Variants in CTNNA3 observed in about 807,000 individuals in gnomAD.
CTNNA3 encodes the protein catenin alpha-3.
Under a neutral mutation model 95.7 loss-of-function variants are expected in CTNNA3, and 76 were observed. The ratio of observed to expected loss-of-function variants is 0.79; its 90% CI spans 0.66 to 0.96. CTNNA3 has a LOEUF of 0.96. Among genes scored for constraint, CTNNA3 ranks in the 40% least tolerant of loss-of-function variants. The pLI is 0.00. For missense variants in CTNNA3, 1,191 were observed against 1,089.8 expected (o/e 1.09, Z -1.31); for synonymous variants, 431 against 374.4 (o/e 1.15, Z -1.74).
chr10:67,078,512 C>CTTT (rs11396357), intron 7 of CTNNA3, among the ~76,000 whole-genome samples: 1 of 151,244 alleles, frequency 6.6e-6, no homozygotes, highest in African/African-American at 2.4e-5. Context: ...TTTCTGATAC[C>CTTT]TTTTTTATTA....
chr10:66,739,270 T>C (rs2132691199), intron 9 of CTNNA3, among the ~76,000 whole-genome samples: 1 of 152,256 alleles, frequency 6.6e-6, no homozygotes, highest in East Asian at 1.9e-4. Flanking sequence ...AACAGATTGC[T>C]GTCACACTCC....
At chr10:66,893,187 A>G (rs1178709739) in intron 7 of CTNNA3, among the ~76,000 whole-genome samples, 1 of 152,108 alleles carries the variant, frequency 6.6e-6, no homozygotes, top group African/African-American at 2.4e-5. Flanking sequence ...TGTTGCAGAA[A>G]AGCATTACAA....
chr10:66,410,391 AC>A (rs1184627911), intron 11 of CTNNA3, among the ~76,000 whole-genome samples: 1 of 152,066 alleles, frequency 6.6e-6, no homozygotes, highest in Non-Finnish European at 1.5e-5. Context: ...TTCTAGAAAA[AC>A]CAAAGGGGCA....
At chr10:67,192,192 A>G (rs1306536238) in intron 6 of CTNNA3, among the ~76,000 whole-genome samples, 1 of 151,984 alleles carries the variant, frequency 6.6e-6, no homozygotes, top group Non-Finnish European at 1.5e-5. Context: ...TTTTTAGATG[A>G]CACCAAAAGC....
At chr10:67,443,204 A>T (rs1312417046) in intron 5 of CTNNA3, among the ~76,000 whole-genome samples, 1 of 151,068 alleles carries the variant, frequency 6.6e-6, no homozygotes, top group Non-Finnish European at 1.5e-5. Context: ...GTTGTTGGAC[A>T]TTTGGGTTGG....
intron 7 of CTNNA3, among the ~76,000 whole-genome samples, chr10:67,106,329 A>G (rs1858634030): frequency 6.6e-6 from 1 of 152,224 alleles, no homozygotes; most frequent in South Asian, 2.1e-4. Flanking sequence ...GAGAATATAA[A>G]TACTATTGTC....
At chr10:66,555,271 A>G (rs768405139) in intron 10 of CTNNA3, among the ~76,000 whole-genome samples, 7 of 152,082 alleles carry the variant, frequency 4.6e-5, no homozygotes, top group Non-Finnish European at 1.0e-4. Flanking sequence ...TTTTGCTTCA[A>G]ATTCTTGAGA....
intron 12 of CTNNA3, among the ~76,000 whole-genome samples, chr10:66,309,369 C>G (rs79488754): frequency 6.6e-6 from 1 of 151,296 alleles, no homozygotes; most frequent in Non-Finnish European, 1.5e-5. Context: ...CCTTTTTTTT[C>G]GTCTCTGGAG....
At chr10:66,271,873 C>T (rs1025450062) in intron 13 of CTNNA3, among the ~76,000 whole-genome samples, 5 of 152,166 alleles carry the variant, frequency 3.3e-5, no homozygotes, top group Non-Finnish European at 5.9e-5. Context: ...CTAACTAGCG[C>T]GGCTTTTGTA....
At chr10:67,198,362 CT>C (rs1207751554) in intron 6 of CTNNA3, among the ~76,000 whole-genome samples, 1 of 152,058 alleles carries the variant, frequency 6.6e-6, no homozygotes, top group Non-Finnish European at 1.5e-5. Context: ...GAAGGTCTTA[CT>C]TTATCAGGTC....
chr10:66,017,883 TCA>T (rs1486041503), intron 15 of CTNNA3, among the ~76,000 whole-genome samples: 1 of 152,108 alleles, frequency 6.6e-6, no homozygotes, highest in Non-Finnish European at 1.5e-5. Context: ...ATTCATTTTC[TCA>T]CAGAGATACA....
chr10:67,105,815 T>C (rs1858602728), intron 7 of CTNNA3, among the ~76,000 whole-genome samples: 1 of 152,200 alleles, frequency 6.6e-6, no homozygotes, highest in Non-Finnish European at 1.5e-5. Context: ...TGACTACACT[T>C]ACACCAGAGA....
chr10:67,680,335 T>C (rs1840603913), intron 1 of CTNNA3, among the ~76,000 whole-genome samples: 1 of 152,228 alleles, frequency 6.6e-6, no homozygotes, highest in Admixed American at 6.5e-5. Flanking sequence ...CACTAGGGAC[T>C]ATCAGTCCTC....
At chr10:67,192,679 GA>G (rs1469880644) in intron 6 of CTNNA3, among the ~76,000 whole-genome samples, 3 of 151,808 alleles carry the variant, frequency 2.0e-5, no homozygotes, top group South Asian at 2.1e-4. Context: ...CAGTCATAAT[GA>G]AAAAAAGTGG....
chr10:65,927,976 TC>T lies in CTNNA3; in HGVS notation c.2401-7360del, dbSNP rs1406426786. On this transcript the variant is annotated intron_variant, in intron 17 of 17. Transcript: ENST00000433211. ...ACACTTGGTATTTTGATATTTTGATTCTTTTTACATTTTAGGAATTTTGATG... is the reference window on the plus strand; with the variant it reads ...ACACTTGGTATTTTGATATTTTGATTTTTTTACATTTTAGGAATTTTGATG... 7.2e-5 allele frequency among the ~76,000 whole-genome samples: 11 copies of T among 152,270 alleles called. No homozygotes were observed. In the East Asian group the frequency reaches 1.2e-3, roughly 16 times the overall value.
At position 66,490,670 on chromosome 10, in the gene CTNNA3, T is replaced by A. The variant is rs370573710; in HGVS notation, c.1531+29947A>T. ...TGTGTCAGTTCTCTCAGATGACATT[T>A]CTCTGCCCACTTGAACTCATGTGGT... On this transcript the variant is annotated intron_variant, in intron 11 of 17. Transcript: ENST00000433211. 3.9e-4 allele frequency among the ~76,000 whole-genome samples: 59 copies of A among 152,274 alleles called. 1 individual carries two copies. In the South Asian group the frequency reaches 0.012, roughly 31 times the overall value.
intron 11 of CTNNA3, among the ~76,000 whole-genome samples, chr10:66,406,802 A>G (rs1461347061): frequency 1.3e-5 from 2 of 152,262 alleles, no homozygotes; most frequent in East Asian, 3.9e-4. Flanking sequence ...ACTCTTGTAT[A>G]ATTATGTCAT....
intron 15 of CTNNA3, among the ~76,000 whole-genome samples, chr10:65,994,606 CA>C (rs1564565567): frequency 6.6e-6 from 1 of 152,122 alleles, no homozygotes; most frequent in African/African-American, 2.4e-5. Flanking sequence ...TGACTTTCAA[CA>C]ATTTGACTAT....
intron 10 of CTNNA3, among the ~76,000 whole-genome samples, chr10:66,552,373 C>T (rs1414052821): frequency 6.6e-6 from 1 of 152,128 alleles, no homozygotes; most frequent in Non-Finnish European, 1.5e-5. Context: ...CAACTGGGCC[C>T]ACTTTGGGGA....
Sources: gnomAD v4.1 joint callset for allele counts (sites outside exome capture counted in the v4.1 genomes callset) on GRCh38, gnomAD v4.1.1 for gene constraint, MANE v1.5 for transcripts, NCBI Gene and HGNC (gene_info 2026-07-23, HGNC 2026-07-21) for gene names.